The following ZNF257 variants were observed in gnomAD, a reference collection of about 807,000 sequenced individuals.
ZNF257 encodes the protein bone marrow zinc finger 4.
ZNF257 carries 12 observed loss-of-function variants against 11.9 expected under a neutral mutation model. The observed-to-expected ratio is 1.01, with a 90% CI of 0.65 to 1.63. The LOEUF (loss-of-function observed/expected upper bound fraction) is 1.63. ZNF257 is among the 40% of genes most tolerant of loss of function. The pLI is 0.00. For synonymous variants in ZNF257, 183 were observed against 222.7 expected, an observed-to-expected ratio of 0.82 and a Z score of 1.59; for missense variants, 580 against 665.5, an observed-to-expected ratio of 0.87 and a Z score of 1.41.
intron 3 of ZNF257, chr19:22,075,825 A>T (rs1303100601): frequency 1.3e-5 from 2 of 152,334 alleles, no homozygotes; most frequent in Admixed American, 6.5e-5. Context: ...TCCAACCTTA[A>T]TATACCATGT....
chr19:22,067,058 C>A (rs2021968446), intron 1 of ZNF257, among the ~76,000 whole-genome samples: 1 of 151,792 alleles, frequency 6.6e-6, no homozygotes. Flanking sequence ...CTAGAGGGGA[C>A]TTTCCCTCTC....
At chr19:22,084,288 ACT>A (rs2022424939) in intron 3 of ZNF257, among the ~76,000 whole-genome samples, 1 of 152,028 alleles carries the variant, frequency 6.6e-6, no homozygotes, top group African/African-American at 2.4e-5. Context: ...TATGTAAATG[ACT>A]CTTTATATGA....
At chr19:22,058,499 C>T (rs2021703451) in intron 1 of ZNF257, among the ~76,000 whole-genome samples, 1 of 152,122 alleles carries the variant, frequency 6.6e-6, no homozygotes, top group Admixed American at 6.5e-5. Flanking sequence ...TACTGTGGTA[C>T]TGAGCCCTGA....
At chr19:22,066,957 T>G (rs1341107271) in intron 1 of ZNF257, among the ~76,000 whole-genome samples, 1 of 152,198 alleles carries the variant, frequency 6.6e-6, no homozygotes, top group Non-Finnish European at 1.5e-5. Flanking sequence ...TCTGGGGCTG[T>G]AGAAAGTTTT....
rs1426228432 is a variant in ZNF257 at position 22,089,007 on chromosome 19, T to G, written c.1257T>G (p.Thr419=). 1.2e-6 allele frequency: 2 copies of G among 1,613,272 alleles called. No homozygotes were observed. The highest frequency in any genetic ancestry group is 1.7e-5 in the Admixed American group (1 of 59,930). Residue 419 remains threonine (T), a synonymous_variant, in exon 4 of 4, where the codon ACT becomes ACG. Coordinates refer to ENST00000594947, the MANE Select transcript of ZNF257 (RefSeq NM_033468.4). ...FNWSSALTTL[T]QHKIIHTGEK... is the part of the protein sequence containing the mutation. ...GGTCCTCAGCTCTTACTACCCTTACTCAGCATAAGATAATTCATACTGGAG... is the reference window on the plus strand; with the variant it reads ...GGTCCTCAGCTCTTACTACCCTTACGCAGCATAAGATAATTCATACTGGAG...
chr19:22,076,557 T>G (rs1658708452), intron 3 of ZNF257, among the ~76,000 whole-genome samples: 1 of 152,174 alleles, frequency 6.6e-6, no homozygotes, highest in South Asian at 2.1e-4. Flanking sequence ...GAGTACACAG[T>G]TACAGTCAAA....
intron 1 of ZNF257, among the ~76,000 whole-genome samples, chr19:22,053,491 TA>T (rs1465535582): frequency 6.6e-6 from 1 of 151,652 alleles, no homozygotes; most frequent in African/African-American, 2.4e-5. Flanking sequence ...CCAAATTCAG[TA>T]ATTGGTTAGA....
At chr19:22,087,453 T>C (rs1367598911) in intron 3 of ZNF257, 4 of 610,598 alleles carry the variant, frequency 6.6e-6, no homozygotes, top group Non-Finnish European at 9.5e-6. Context: ...GGTACTGCAG[T>C]CTGTCTGCTG....
chr19:22,087,830 TTA>T (rs2022509776), intron 3 of ZNF257, 145 bp from the exon 4 acceptor site: 1 of 837,516 alleles, frequency 1.2e-6, no homozygotes. Context: ...TTGTTACATT[TTA>T]TATGTTTTTG....
intron 1 of ZNF257, 143 bp from the exon 2 acceptor site, chr19:22,072,666 A>G: frequency 2.3e-6 from 2 of 887,494 alleles, no homozygotes; most frequent in South Asian, 3.8e-5. Context: ...GTGTTAAAAA[A>G]ATATTTTCTT....
chr19:22,087,459 T>C lies in ZNF257; in HGVS notation c.227-518T>C, dbSNP rs188853360. The C allele has an allele frequency of 1.7e-4, 117 of 673,676 alleles. 1 individual carries two copies. The African/African-American group carries it at 2.0e-3, about 11-fold the overall frequency. 41.7% of individuals were successfully genotyped at this position (673,676 alleles called of 1,614,324 possible). A position where few individuals can be genotyped will look rare whatever the true frequency, so the allele number is the denominator to read the frequency against. ...CCTGTCTGTGGTACTGCAGTCTGTC[T>C]GCTGCTGTAACATTTACCTTTGGTC... On this transcript the variant is annotated intron_variant, in intron 3 of 3. Coordinates refer to ENST00000594947, the MANE Select transcript of ZNF257 (RefSeq NM_033468.4).
intron 1 of ZNF257, among the ~76,000 whole-genome samples, chr19:22,064,663 G>A (rs1427472580): frequency 6.6e-6 from 1 of 152,212 alleles, no homozygotes; most frequent in African/African-American, 2.4e-5. Context: ...AAACTGAACA[G>A]TGAAGTCTTT....
intron 2 of ZNF257, 60 bp downstream of exon 2, chr19:22,072,995 T>C (rs2022141634): frequency 1.1e-6 from 1 of 871,276 alleles, no homozygotes; most frequent in African/African-American, 3.0e-5. Flanking sequence ...TTTTTATTTA[T>C]TTTTTTTTTT....
intron 1 of ZNF257, among the ~76,000 whole-genome samples, chr19:22,058,521 T>C (rs1466512701): frequency 6.6e-6 from 1 of 152,178 alleles, no homozygotes. Flanking sequence ...TCAGGGTCTG[T>C]GCTGAATGGG....
intron 1 of ZNF257, 104 bp downstream of exon 1, chr19:22,052,739 C>T: frequency 7.2e-7 from 1 of 1,386,506 alleles, no homozygotes; most frequent in South Asian, 1.2e-5. Context: ...TCAGCCCTAC[C>T]ATCTGCGCCC....
chr19:22,060,809 G>A lies in ZNF257; in HGVS notation c.3+8174G>A, dbSNP rs149461257. Among the ~76,000 whole-genome samples the A allele has an allele frequency of 2.4e-3, 368 of 152,182 alleles. 1 individual carries two copies. The highest frequency in any genetic ancestry group is 0.014 in the Middle Eastern group (4 of 294). ...CAATCTTGAGTTGATTTTTATATAT[G>A]GTGTAAGAAAGGGGTCTAGTTTCAG... is the stretch of plus-strand genomic sequence containing the variant. On this transcript the variant is annotated intron_variant, in intron 1 of 3. Coordinates refer to ENST00000594947, the MANE Select transcript of ZNF257 (RefSeq NM_033468.4).
chr19:22,080,805 A>C (rs1254104764), intron 3 of ZNF257, among the ~76,000 whole-genome samples: 1 of 151,068 alleles, frequency 6.6e-6, no homozygotes, highest in Non-Finnish European at 1.5e-5. Flanking sequence ...TGGAGCCCTG[A>C]TATTATATAT....
chr19:22,063,569 GT>G (rs1311738923), intron 1 of ZNF257, among the ~76,000 whole-genome samples: 1 of 152,098 alleles, frequency 6.6e-6, no homozygotes, highest in African/African-American at 2.4e-5. Context: ...ATTCTCAGTT[GT>G]TTCAAACAAC....
At chr19:22,064,034 G>A (rs1289503959) in intron 1 of ZNF257, 1 of 152,088 alleles carries the variant, frequency 6.6e-6, no homozygotes, top group African/African-American at 2.4e-5. Context: ...TGTACCCATG[G>A]AATTTTTATA....
Sources: allele counts gnomAD v4.1 joint callset (sites outside exome capture counted in the v4.1 genomes callset), GRCh38; gene constraint gnomAD v4.1.1; transcripts MANE v1.5; gene names NCBI Gene and HGNC (gene_info 2026-07-23, HGNC 2026-07-21).